NEK5: variants seen among roughly 807,000 people sequenced by gnomAD.
NEK5 encodes the protein NIMA related kinase 5.
In NEK5, 88 loss-of-function variants were observed where a neutral mutation model predicts 109.2. The observed-to-expected ratio is 0.81, with a 90% confidence interval of 0.68 to 0.96. The LOEUF is 0.96. NEK5 is among the 40% of genes least tolerant of loss of function. The pLI is 0.00. For missense variants in NEK5, 834 were observed against 920.7 expected (o/e 0.91, Z 1.22); for synonymous variants, 283 against 299.9 (o/e 0.94, Z 0.58).
At chr13:52,069,561 A>C (rs1954751705) in intron 20 of NEK5, among the ~76,000 whole-genome samples, 1 of 152,200 alleles carries the variant, frequency 6.6e-6, no homozygotes, top group Non-Finnish European at 1.5e-5. Context: ...CTATAGACCT[A>C]AATCTCAACA....
At chr13:52,040,985 A>G (rs1470726379) in intron 23 of NEK5, among the ~76,000 whole-genome samples, 1 of 152,144 alleles carries the variant, frequency 6.6e-6, no homozygotes, top group Non-Finnish European at 1.5e-5. Flanking sequence ...TCTAGACCAC[A>G]CTTGCTCTTC....
intron 16 of NEK5, among the ~76,000 whole-genome samples, chr13:52,083,688 C>T (rs1445554879): frequency 1.3e-5 from 2 of 152,110 alleles, no homozygotes; most frequent in African/African-American, 4.8e-5. Flanking sequence ...AGGCACGCAC[C>T]ACCACGCCTG....
chr13:52,055,006 A>C (rs1298905932), intron 22 of NEK5, among the ~76,000 whole-genome samples: 1 of 152,258 alleles, frequency 6.6e-6, no homozygotes, highest in African/African-American at 2.4e-5. Flanking sequence ...ACTCCGAGCT[A>C]TGGGAGGACA....
At chr13:52,058,536 T>C in intron 22 of NEK5, among the ~76,000 whole-genome samples, 1 of 152,032 alleles carries the variant, frequency 6.6e-6, no homozygotes, top group East Asian at 1.9e-4. Context: ...GGCATCACAC[T>C]ACCTGACTTC....
Position 52,073,216 on chromosome 13 carries a change from A to G in NEK5, c.1723-1146T>C, listed in dbSNP as rs111286493. Among the ~76,000 whole-genome samples, 1,149 of 152,308 alleles carry G rather than the reference A, an allele frequency of 7.5e-3. 10 individuals are homozygous for G. The highest frequency in any genetic ancestry group is 0.027 in the African/African-American group (1,104 of 41,576). On this transcript the variant is annotated intron_variant, in intron 19 of 23. Transcript: ENST00000684899. ...AGCTCTTTTATTTAAAGAAAAGTAAATTAAAATGTAATAATTTATCTAAAG... is the reference window on the plus strand; with the variant it reads ...AGCTCTTTTATTTAAAGAAAAGTAAGTTAAAATGTAATAATTTATCTAAAG...
rs774379746 is a variant in NEK5, at chr13:52,065,435, G to A, written c.1975+49C>T. 5.2e-5 allele frequency: 84 copies of A among 1,613,490 alleles called. No individual in the cohort carries two copies. Among genetic ancestry groups the A allele is most frequent in the Non-Finnish European group, 6.4e-5 (76 of 1,179,502 alleles). On this transcript the variant is annotated intron_variant, in intron 21 of 23. Coordinates refer to ENST00000684899, the MANE Select transcript of NEK5 (RefSeq NM_001365552.1). Reference sequence around the variant, plus strand: ...CATCAGGATGAGCACTGGGCTGTACGGGTCCTTGGTCTTCCCTTCCTGACG... The same window carrying A: ...CATCAGGATGAGCACTGGGCTGTACAGGTCCTTGGTCTTCCCTTCCTGACG...
chr13:52,065,372 C>T lies in NEK5; in HGVS notation c.1975+112G>A, dbSNP rs1366526952. On this transcript the variant is annotated intron_variant, in intron 21 of 23. Transcript: ENST00000684899. ...ACAACATATTTGAAAGTGTCTGATA[C>T]AAGATCTATAGGGTGTATAGTGAGA... 2.1e-6 allele frequency: 3 copies of T among 1,408,682 alleles called. No homozygotes were observed. In the South Asian group the frequency reaches 3.4e-5, roughly 16 times the overall value. 87.3% of individuals were successfully genotyped at this position (1,408,682 alleles called of 1,614,324 possible). A position where few individuals can be genotyped will look rare whatever the true frequency, so the allele number is the denominator to read the frequency against.
chr13:52,064,484 T>C, intron 21 of NEK5, among the ~76,000 whole-genome samples: 1 of 138,860 alleles, frequency 7.2e-6, no homozygotes, highest in East Asian at 2.3e-4. Flanking sequence ...AGCCGCCCCG[T>C]CTGGGAGGGA....
chr13:52,065,341 A>G, intron 21 of NEK5, 143 bp downstream of exon 21: 1 of 1,182,678 alleles, frequency 8.5e-7, no homozygotes. Context: ...ATAGGGAGAT[A>G]TCAAAACAAC....
In NEK5 at chr13:52,129,064, C is replaced by G. The variant is rs1194714319; in HGVS notation, c.-126G>C. 2 of 152,364 alleles carry G rather than the reference C, an allele frequency of 1.3e-5. No individual in the cohort carries two copies. The highest frequency in any genetic ancestry group is 3.9e-4 in the East Asian group (2 of 5,180). The allele number at this position is 152,364 out of a possible 1,614,324, so 9.4% of individuals were successfully genotyped here. The stretch of plus-strand genomic sequence containing the variant: ...GGCTCCGCGGGGCCAACGAAGCGTC[C>G]CGGAAGGATCCGGGTTCCCGGGGCC... On this transcript the variant is annotated 5_prime_UTR_variant, in exon 1 of 24. Transcript: ENST00000684899.
At position 52,065,611 on chromosome 13, in the gene NEK5, T is replaced by C. The variant is rs761523110; in HGVS notation, c.1850-2A>G. On this transcript the variant is annotated splice_acceptor_variant, in intron 20 of 23. Transcript: ENST00000684899. LOFTEE classifies it high-confidence loss of function. ...CAGCTACAGTCTGCGTGGAAAACCCTGGGTGTAAGAAAACAACTCATTAAT... is the reference window on the plus strand; with the variant it reads ...CAGCTACAGTCTGCGTGGAAAACCCCGGGTGTAAGAAAACAACTCATTAAT... 22 of 1,609,502 alleles carry C rather than the reference T, an allele frequency of 1.4e-5. No individual in the cohort carries two copies. The highest frequency in any genetic ancestry group is 1.7e-5 in the Non-Finnish European group (20 of 1,176,038).
Position 52,035,200 on chromosome 13 carries a change from C to G in NEK5, c.*1748G>C, listed in dbSNP as rs1437665413. ...ACAGCATTCTCCCTAAAAGAGTAGA[C>G]TGTAACTCTACACCAAGTTGAAAGA... On this transcript the variant is annotated 3_prime_UTR_variant, in exon 24 of 24. Transcript: ENST00000684899. 1 of 152,162 alleles carries G rather than the reference C, an allele frequency of 6.6e-6. No individual in the cohort carries two copies. Among genetic ancestry groups the G allele is most frequent in the African/African-American group, 2.4e-5 (1 of 41,418 alleles). 9.4% of individuals were successfully genotyped at this position (152,162 alleles called of 1,614,324 possible). A position where few individuals can be genotyped will look rare whatever the true frequency, so the allele number is the denominator to read the frequency against.
intron 12 of NEK5, among the ~76,000 whole-genome samples, chr13:52,095,434 G>A (rs1955387039): frequency 1.3e-5 from 2 of 152,130 alleles, no homozygotes; most frequent in South Asian, 4.1e-4. Flanking sequence ...TAGTTCCTGT[G>A]GAAATCAATT....
intron 23 of NEK5, among the ~76,000 whole-genome samples, chr13:52,046,509 GAAGAAA>G (rs1182124820): frequency 6.7e-5 from 10 of 149,820 alleles, no homozygotes; most frequent in African/African-American, 2.0e-4. Flanking sequence ...AGAAGAAGAA[GAAGAAA>G]GAGTTTAAGA....
chr13:52,102,060 G>A (rs1843748732), intron 10 of NEK5, 32 bp downstream of exon 10: 1 of 1,611,526 alleles, frequency 6.2e-7, no homozygotes, highest in Admixed American at 1.7e-5. Context: ...CAAAATCTCT[G>A]CCAAAATCCA....
chr13:52,041,266 A>T (rs1954410733), intron 23 of NEK5, among the ~76,000 whole-genome samples: 1 of 152,198 alleles, frequency 6.6e-6, no homozygotes, highest in Non-Finnish European at 1.5e-5. Context: ...TCCTAAAGTA[A>T]GTATGCCCAA....
At chr13:52,053,653 C>A (rs560340334) in intron 22 of NEK5, among the ~76,000 whole-genome samples, 32 of 152,244 alleles carry the variant, frequency 2.1e-4, no homozygotes, top group Admixed American at 1.6e-3. Flanking sequence ...ATTTACAACC[C>A]AGACAAGCCC....
chr13:52,079,513 G>A (rs1321539573), intron 17 of NEK5, among the ~76,000 whole-genome samples: 2 of 152,272 alleles, frequency 1.3e-5, no homozygotes, highest in African/African-American at 4.8e-5. Flanking sequence ...TGTTGGCCGG[G>A]CTGGTCTCCA....
At chr13:52,094,337 C>T (rs1453146180) in intron 12 of NEK5, among the ~76,000 whole-genome samples, 2 of 152,132 alleles carry the variant, frequency 1.3e-5, no homozygotes, top group African/African-American at 4.8e-5. Context: ...AAAGATAAAA[C>T]TACTGGAAAG....
Sources: gnomAD v4.1 joint callset for allele counts (sites outside exome capture counted in the v4.1 genomes callset) on GRCh38, gnomAD v4.1.1 for gene constraint, MANE v1.5 for transcripts, NCBI Gene and HGNC (gene_info 2026-07-23, HGNC 2026-07-21) for gene names.